INTS9: variants seen among roughly 807,000 people sequenced by gnomAD.
INTS9 encodes integrator complex subunit 9, also known as protein related to CPSF subunits of 74 kDa.
A neutral mutation model predicts 79.7 loss-of-function variants in INTS9; 55 were observed. The observed-to-expected ratio is 0.69, with a 90% CI of 0.56 to 0.86. INTS9 has a LOEUF of 0.86. Ranked by LOEUF, INTS9 falls within the 40% of genes least tolerant of loss-of-function variation. The pLI is 0.00. For synonymous variants in INTS9, 319 were observed against 325.2 expected (o/e 0.98, Z 0.20); for missense variants, 721 against 831.5 (o/e 0.87, Z 1.64).
At chr8:28,846,465 G>C (rs1807520610) in intron 4 of INTS9, among the ~76,000 whole-genome samples, 1 of 152,186 alleles carries the variant, frequency 6.6e-6, no homozygotes, top group Non-Finnish European at 1.5e-5. Flanking sequence ...AAAGGCTTGA[G>C]TTAGTTCCTT....
chr8:28,807,901 A>G (rs773053217), intron 8 of INTS9, among the ~76,000 whole-genome samples: 5 of 152,240 alleles, frequency 3.3e-5, no homozygotes, highest in Admixed American at 2.6e-4. Flanking sequence ...CAAAGGTTAG[A>G]AGAGAGGTGA....
rs574794736 is a variant in INTS9, at chr8:28,787,159, A to G, written c.1098+670T>C. Reference sequence around the variant, plus strand: ...CATGAGACGCAGAAAAACGTTCATAATATACCCTTGGGTGAAAAGAACCTG... The same window carrying G: ...CATGAGACGCAGAAAAACGTTCATAGTATACCCTTGGGTGAAAAGAACCTG... On this transcript the variant is annotated intron_variant, in intron 11 of 16. Coordinates refer to ENST00000521022, the MANE Select transcript of INTS9 (RefSeq NM_018250.4). Among the ~76,000 whole-genome samples, 3 of 150,332 alleles carry G rather than the reference A, an allele frequency of 2.0e-5. No individual in the cohort carries two copies. In the South Asian group the frequency reaches 6.2e-4, roughly 31 times the overall value.
intron 9 of INTS9, among the ~76,000 whole-genome samples, chr8:28,794,577 G>A (rs1284792016): frequency 6.6e-6 from 1 of 152,166 alleles, no homozygotes; most frequent in African/African-American, 2.4e-5. Context: ...TAGCTCAAGA[G>A]CCTGTCTCAA....
chr8:28,822,302 A>AC (rs1304573778), intron 6 of INTS9, among the ~76,000 whole-genome samples: 1 of 144,746 alleles, frequency 6.9e-6, no homozygotes, highest in African/African-American at 2.6e-5. Flanking sequence ...GGGGTAGAAA[A>AC]CTTTTTTTTT....
intron 6 of INTS9, among the ~76,000 whole-genome samples, chr8:28,832,175 C>T (rs1027564191): frequency 6.6e-6 from 1 of 151,912 alleles, no homozygotes; most frequent in Non-Finnish European, 1.5e-5. Context: ...GAACTGGGGT[C>T]CTGTCCAGTC....
At chr8:28,768,384 TG>T in intron 16 of INTS9, 62 bp from the exon 17 acceptor site, 1 of 1,484,878 alleles carries the variant, frequency 6.7e-7, no homozygotes, top group Non-Finnish European at 9.3e-7. Context: ...GATCTGTAAA[TG>T]ACACTTCACA....
intron 11 of INTS9, 134 bp downstream of exon 11, chr8:28,787,695 G>A (rs1310230901): frequency 2.0e-6 from 1 of 512,782 alleles, no homozygotes; most frequent in African/African-American, 1.9e-5. Flanking sequence ...ATACTTCCCT[G>A]TGTCTGACTT....
chr8:28,803,466 T>C (rs941204866), intron 8 of INTS9, among the ~76,000 whole-genome samples: 1 of 152,244 alleles, frequency 6.6e-6, no homozygotes, highest in Non-Finnish European at 1.5e-5. Context: ...GTTCTATTAG[T>C]ATTACCATTT....
rs1805173902 is a variant in INTS9, at chr8:28,811,922, C to T, written c.744+405G>A. ...TCCTCTCCCCAACATCATCAACTCC[C>T]CTACAACATAAGATCTACGGGCACA... On this transcript the variant is annotated intron_variant, in intron 8 of 16. Coordinates refer to ENST00000521022, the MANE Select transcript of INTS9 (RefSeq NM_018250.4). Among the ~76,000 whole-genome samples, 5 of 152,220 alleles carry T rather than the reference C, an allele frequency of 3.3e-5. No individual in the cohort carries two copies. In the South Asian group the frequency reaches 1.0e-3, roughly 31 times the overall value.
Position 28,819,752 on chromosome 8 carries a change from G to A in INTS9, c.489-6140C>T, listed in dbSNP as rs897391292. On this transcript the variant is annotated intron_variant, in intron 6 of 16. Transcript: ENST00000521022. Reference sequence around the variant, plus strand: ...TGATCTGTCTAATGTTGACAGTGGGGTGTTAAAGTCTCCCATTATTATTGT... The same window carrying A: ...TGATCTGTCTAATGTTGACAGTGGGATGTTAAAGTCTCCCATTATTATTGT... 3.4e-4 allele frequency among the ~76,000 whole-genome samples: 52 copies of A among 152,076 alleles called. 1 individual carries two copies. Among genetic ancestry groups the A allele is most frequent in the Admixed American group, 3.2e-3 (49 of 15,262 alleles).
chr8:28,814,801 G>A (rs1021077609), intron 6 of INTS9, among the ~76,000 whole-genome samples: 4 of 152,140 alleles, frequency 2.6e-5, no homozygotes, highest in Non-Finnish European at 5.9e-5. Flanking sequence ...CTCAGGGTAG[G>A]GGGCTGAAAG....
At position 28,843,854 on chromosome 8, in the gene INTS9, T is replaced by C. The variant is rs550821359; in HGVS notation, c.261+2893A>G. Among the ~76,000 whole-genome samples, 17 of 152,256 alleles carry C rather than the reference T, an allele frequency of 1.1e-4. No individual in the cohort carries two copies. The South Asian group carries it at 3.5e-3, about 32-fold the overall frequency. On this transcript the variant is annotated intron_variant, in intron 4 of 16. Transcript: ENST00000521022. ...ATCTACATATCAGGCACTTCAACTT[T>C]TCCTTGTAATGTCATGACTTTTCTT...
chr8:28,814,690 G>A (rs953832462), intron 6 of INTS9, among the ~76,000 whole-genome samples: 10 of 152,126 alleles, frequency 6.6e-5, no homozygotes, highest in Non-Finnish European at 1.3e-4. Flanking sequence ...TGGACTACGG[G>A]AAACCATCAA....
rs759806116 is a variant in INTS9, at chr8:28,812,436, G to A, written c.635C>T (p.Thr212Ile). 2.5e-6 allele frequency: 4 copies of A among 1,613,970 alleles called. No individual in the cohort carries two copies. The African/African-American group carries it at 5.3e-5, about 22-fold the overall frequency. ...AAGGGCATAGCCAGAGCTCAGAGGA[G>A]TCACCTGGACCGCACCAAAAAGCTC... ...KIELFGAVQVTPLSSGYALGS... is the reference protein window; with the variant it reads ...KIELFGAVQVIPLSSGYALGS... The change falls in exon 8 of 17, where the codon ACT becomes ATT. Residue 212 changes from threonine to isoleucine, a missense_variant. Physicochemically the swap from Thr to Ile is moderately conservative, Grantham distance 89. Around this residue, in one of 3 missense-constraint regions of INTS9, gnomAD observed 291 missense variants for 307.0 expected, o/e 0.95. Coordinates refer to ENST00000521022, the MANE Select transcript of INTS9 (RefSeq NM_018250.4).
chr8:28,795,548 G>A (rs1255315928), intron 9 of INTS9, among the ~76,000 whole-genome samples: 1 of 148,404 alleles, frequency 6.7e-6, no homozygotes, highest in Non-Finnish European at 1.5e-5. Flanking sequence ...GCTGAAGCAG[G>A]AGAATCGCTT....
intron 1 of INTS9, among the ~76,000 whole-genome samples, chr8:28,873,710 A>G (rs1422733115): frequency 6.6e-6 from 1 of 152,232 alleles, no homozygotes; most frequent in Non-Finnish European, 1.5e-5. Flanking sequence ...CTGAATGAAA[A>G]GTATACCTAA....
chr8:28,887,285 T>G (rs1447187946), intron 1 of INTS9, among the ~76,000 whole-genome samples: 2 of 152,204 alleles, frequency 1.3e-5, no homozygotes, highest in Admixed American at 1.3e-4. Flanking sequence ...TTCATGGAAC[T>G]CTGCAATTAA....
intron 6 of INTS9, among the ~76,000 whole-genome samples, chr8:28,814,947 T>C (rs1417265267): frequency 6.6e-6 from 1 of 152,214 alleles, no homozygotes; most frequent in Non-Finnish European, 1.5e-5. Context: ...GTCCTACCCA[T>C]GGCACATAGA....
intron 1 of INTS9, among the ~76,000 whole-genome samples, chr8:28,881,143 C>T (rs1242408100): frequency 5.5e-5 from 8 of 145,062 alleles, no homozygotes; most frequent in South Asian, 2.2e-4. Flanking sequence ...CAGCCCCCCG[C>T]CCGGCTGGCC....
Sources: gnomAD v4.1 joint callset for allele counts (sites outside exome capture counted in the v4.1 genomes callset) on GRCh38, gnomAD v4.1.1 for gene constraint, gnomAD v4.1.1 regional missense constraint, MANE v1.5 for transcripts, NCBI Gene and HGNC (gene_info 2026-07-23, HGNC 2026-07-21) for gene names.